MAGI3: variants seen among roughly 807,000 people sequenced by gnomAD.
MAGI3 encodes membrane-associated guanylate kinase, WW and PDZ domain-containing protein 3.
MAGI3 carries 43 observed loss-of-function variants against 121.8 expected under a neutral mutation model. The observed-to-expected ratio is 0.35, with a 90% CI of 0.28 to 0.46. MAGI3 has a LOEUF of 0.46. Among genes scored for constraint, MAGI3 ranks in the 20% least tolerant of loss-of-function variants. The pLI, the probability that MAGI3 is intolerant of heterozygous loss-of-function variation, is 1.00. For missense variants in MAGI3, 1,547 were observed against 1,797.3 expected, an observed-to-expected ratio of 0.86 and a Z score of 2.52; for synonymous variants, 553 against 639.3, an observed-to-expected ratio of 0.86 and a Z score of 2.04.
intron 6 of MAGI3, among the ~76,000 whole-genome samples, chr1:113,600,928 T>C (rs1440233520): frequency 6.6e-6 from 1 of 152,146 alleles, no homozygotes; most frequent in Non-Finnish European, 1.5e-5. Flanking sequence ...TATCTACAAC[T>C]ATCTGATCTT....
chr1:113,626,737 T>G (rs933422917), intron 9 of MAGI3, among the ~76,000 whole-genome samples: 2 of 152,204 alleles, frequency 1.3e-5, no homozygotes, highest in African/African-American at 4.8e-5. Context: ...TTTGTTGGCA[T>G]ATAGTTGCTC....
At position 113,509,293 on chromosome 1, in the gene MAGI3, G is replaced by A. The variant is rs1034011496; in HGVS notation, c.317-40222G>A. Among the ~76,000 whole-genome samples, 6 of 151,082 alleles carry A rather than the reference G, an allele frequency of 4.0e-5. No individual in the cohort carries two copies. In the South Asian group the frequency reaches 1.0e-3, roughly 26 times the overall value. On this transcript the variant is annotated intron_variant, in intron 1 of 20. Coordinates refer to ENST00000307546, the MANE Select transcript of MAGI3 (RefSeq NM_001142782.2). The stretch of plus-strand genomic sequence containing the variant: ...TACCTTCTTTTTATGAATTCCCTCA[G>A]CTGAAATTAGGATAATGTTTTGTTT...
intron 7 of MAGI3, chr1:113,618,679 T>C: frequency 3.3e-6 from 1 of 306,726 alleles, no homozygotes; most frequent in South Asian, 2.6e-5. Flanking sequence ...CTTATTTTTG[T>C]ATTTTTAGTA....
At chr1:113,504,019 G>T (rs1312119446) in intron 1 of MAGI3, among the ~76,000 whole-genome samples, 2 of 151,966 alleles carry the variant, frequency 1.3e-5, no homozygotes, top group Non-Finnish European at 2.9e-5. Context: ...TAATAATAAG[G>T]TTAAGATGTT....
rs1648326963 is a variant in MAGI3, at chr1:113,585,720, T to C, written c.763+124T>C. On this transcript the variant is annotated intron_variant, in intron 4 of 20. Coordinates refer to ENST00000307546, the MANE Select transcript of MAGI3 (RefSeq NM_001142782.2). ...AGCAAGTGATGGGATTTTAATTTTT[T>C]TGTAAAGGTTGTATGTGGAGCAAAG... 1.2e-5 allele frequency: 9 copies of C among 780,756 alleles called. No individual in the cohort carries two copies. In the South Asian group the frequency reaches 1.7e-4, roughly 15 times the overall value. The allele number at this position is 780,756 out of a possible 1,614,324, so 48.4% of individuals were successfully genotyped here. A position where few individuals can be genotyped will look rare whatever the true frequency, so the allele number is the denominator to read the frequency against.
At chr1:113,635,740 T>C (rs1401918127) in intron 9 of MAGI3, among the ~76,000 whole-genome samples, 4 of 152,208 alleles carry the variant, frequency 2.6e-5, no homozygotes, top group Non-Finnish European at 5.9e-5. Flanking sequence ...GCTGGCCTCA[T>C]AAAATGAGTT....
At chr1:113,601,295 CAGG>C (rs1557845633) in intron 6 of MAGI3, among the ~76,000 whole-genome samples, 1 of 152,050 alleles carries the variant, frequency 6.6e-6, no homozygotes, top group Non-Finnish European at 1.5e-5. Context: ...GCCTACAAAA[CAGG>C]AGAAAATTTT....
At chr1:113,612,419 AT>A (rs951073358) in intron 6 of MAGI3, among the ~76,000 whole-genome samples, 33 of 152,196 alleles carry the variant, frequency 2.2e-4, no homozygotes, top group African/African-American at 6.0e-4. Context: ...TATATTTCTA[AT>A]TTTTATTTCT....
intron 1 of MAGI3, among the ~76,000 whole-genome samples, chr1:113,491,608 A>G (rs1656670114): frequency 6.6e-6 from 1 of 152,158 alleles, no homozygotes; most frequent in African/African-American, 2.4e-5. Context: ...GAAGAAATTA[A>G]TAAAATAGAC....
At chr1:113,626,122 C>T (rs955136533) in intron 9 of MAGI3, among the ~76,000 whole-genome samples, 16 of 152,104 alleles carry the variant, frequency 1.1e-4, no homozygotes, top group Admixed American at 2.0e-4. Context: ...CTCACCAGCA[C>T]GCCTGGCTAA....
intron 6 of MAGI3, among the ~76,000 whole-genome samples, chr1:113,604,198 C>T (rs1649589210): frequency 6.6e-6 from 1 of 152,124 alleles, no homozygotes; most frequent in Non-Finnish European, 1.5e-5. Context: ...TCTATCATAG[C>T]ATAATTCATA....
In MAGI3 at chr1:113,684,082, CCTT is replaced by C; in HGVS notation, c.*69_*71del. The C allele has an allele frequency of 1.4e-6, 2 of 1,408,556 alleles. No individual in the cohort carries two copies. The highest frequency in any genetic ancestry group is 1.6e-5 in the South Asian group (1 of 61,182). The allele number at this position is 1,408,556 out of a possible 1,614,324, so 87.3% of individuals were successfully genotyped here. On this transcript the variant is annotated 3_prime_UTR_variant, in exon 21 of 21. Coordinates refer to ENST00000307546, the MANE Select transcript of MAGI3 (RefSeq NM_001142782.2). ...TACAGCAGCATTTTTCCAGAAAAAG[CCTT>C]TTTTTTTTTTTCAGATATTCTGAAA...
chr1:113,450,097 T>C, intron 1 of MAGI3: 3 of 1,480,294 alleles, frequency 2.0e-6, no homozygotes, highest in South Asian at 1.1e-5. Context: ...ATTGAAACCA[T>C]AGAAGTTACG....
intron 12 of MAGI3, among the ~76,000 whole-genome samples, chr1:113,648,543 A>G (rs1390642949): frequency 6.6e-6 from 1 of 151,846 alleles, no homozygotes; most frequent in Non-Finnish European, 1.5e-5. Context: ...TCTAAGGAAT[A>G]CAACCTACCC....
chr1:113,443,044 T>C (rs1039504256), intron 1 of MAGI3, among the ~76,000 whole-genome samples: 14 of 152,304 alleles, frequency 9.2e-5, no homozygotes, highest in African/African-American at 3.1e-4. Context: ...ACTCAGCTAA[T>C]AGTTGTTGAC....
intron 14 of MAGI3, among the ~76,000 whole-genome samples, 184 bp from the exon 15 acceptor site, chr1:113,653,646 G>A (rs570710136): frequency 6.6e-6 from 1 of 152,182 alleles, no homozygotes; most frequent in East Asian, 1.9e-4. Flanking sequence ...TTGGGAAGTC[G>A]GATGGACTGC....
chr1:113,578,854 G>A (rs1479585976), intron 2 of MAGI3, among the ~76,000 whole-genome samples: 1 of 151,952 alleles, frequency 6.6e-6, no homozygotes, highest in Non-Finnish European at 1.5e-5. Flanking sequence ...AAAAAAATTG[G>A]GTTAAAAAAT....
At chr1:113,668,675 C>T (rs987063623) in intron 16 of MAGI3, among the ~76,000 whole-genome samples, 5 of 150,268 alleles carry the variant, frequency 3.3e-5, no homozygotes, top group South Asian at 2.1e-4. Flanking sequence ...CTCCGCTTCC[C>T]GGGTTCACGC....
intron 1 of MAGI3, among the ~76,000 whole-genome samples, chr1:113,529,090 A>G (rs988642543): frequency 1.3e-5 from 2 of 152,198 alleles, no homozygotes; most frequent in African/African-American, 4.8e-5. Flanking sequence ...ATTATAAAGT[A>G]TAGTTGGAGA....
Sources: allele counts gnomAD v4.1 joint callset (sites outside exome capture counted in the v4.1 genomes callset), GRCh38; gene constraint gnomAD v4.1.1; transcripts MANE v1.5; gene names NCBI Gene and HGNC (gene_info 2026-07-23, HGNC 2026-07-21).